The following TOP2B variants were observed in gnomAD, a reference collection of about 807,000 sequenced individuals.
TOP2B encodes DNA topoisomerase II beta.
A neutral mutation model predicts 193.5 loss-of-function variants in TOP2B; 51 were observed. The ratio of observed to expected loss-of-function variants is 0.26; its 90% CI spans 0.21 to 0.33. TOP2B has a LOEUF of 0.33. Among genes scored for constraint, TOP2B ranks in the 10% least tolerant of loss-of-function variants. TOP2B has a pLI of 1.00. For synonymous variants in TOP2B, 634 were observed against 635.7 expected, an observed-to-expected ratio of 1.00 and a Z score of 0.04; for missense variants, 1,378 against 1,909.3, an observed-to-expected ratio of 0.72 and a Z score of 5.19.
At position 25,642,476 on chromosome 3, in the gene TOP2B, A is replaced by G. The variant is rs1703291562; in HGVS notation, c.332-91T>C. 3 of 646,458 alleles carry G rather than the reference A, an allele frequency of 4.6e-6. No individual in the cohort carries two copies. The Admixed American group carries it at 9.4e-5, about 20-fold the overall frequency. The allele number at this position is 646,458 out of a possible 1,614,324, so 40.0% of individuals were successfully genotyped here. On this transcript the variant is annotated intron_variant, in intron 3 of 35. Coordinates refer to ENST00000264331, the MANE Select transcript of TOP2B (RefSeq NM_001330700.2). ...GTATGTGCATCACTGCTTAATATAAACATCTACATATGGTAATAGTTAATG... is the reference window on the plus strand; with the variant it reads ...GTATGTGCATCACTGCTTAATATAAGCATCTACATATGGTAATAGTTAATG...
rs185595882 is a variant in TOP2B, at chr3:25,660,496, C to A, written c.69+3733G>T. Among the ~76,000 whole-genome samples, 570 of 152,270 alleles carry A rather than the reference C, an allele frequency of 3.7e-3. 6 individuals are homozygous for A. Among genetic ancestry groups the A allele is most frequent in the Middle Eastern group, 3.4e-3 (1 of 294 alleles). ...AATAATAATGTGACAAGGCTCTGAG[C>A]TAGCCCTGAAGAACAGTTAAGATTT... On this transcript the variant is annotated intron_variant, in intron 1 of 35. Coordinates refer to ENST00000264331, the MANE Select transcript of TOP2B (RefSeq NM_001330700.2).
intron 30 of TOP2B, among the ~76,000 whole-genome samples, chr3:25,608,871 ACTT>A: frequency 6.6e-6 from 1 of 152,234 alleles, no homozygotes; most frequent in Non-Finnish European, 1.5e-5. Flanking sequence ...ACCACAAAGC[ACTT>A]CTAATATTAA....
Position 25,607,272 on chromosome 3 carries a change from T to C in TOP2B, c.4197A>G (p.Ala1399=), listed in dbSNP as rs771367959. The C allele has an allele frequency of 7.3e-5, 115 of 1,579,842 alleles. No homozygotes were observed. Among genetic ancestry groups the C allele is most frequent in the Non-Finnish European group, 9.1e-5 (106 of 1,160,890 alleles). The change falls in exon 31 of 36, where the codon GCA becomes GCG. Residue 1399 remains alanine, a synonymous_variant. Transcript: ENST00000264331. ...CTTCCCCATCATTTGTTATGGGAGATGCTTTAACTTTCAATTCCTCTAAAT... is the reference window on the plus strand; with the variant it reads ...CTTCCCCATCATTTGTTATGGGAGACGCTTTAACTTTCAATTCCTCTAAAT... ...NNDLEELKVK[A]SPITNDGEDE...
chr3:25,637,107 A>G (rs1703126086), intron 6 of TOP2B, 108 bp downstream of exon 6: 5 of 814,246 alleles, frequency 6.1e-6, no homozygotes, highest in Non-Finnish European at 9.8e-6. Flanking sequence ...TTTGGAAAAA[A>G]AAAATGAAGT....
At chr3:25,607,961 T>C (rs1702275746) in intron 30 of TOP2B, among the ~76,000 whole-genome samples, 1 of 152,096 alleles carries the variant, frequency 6.6e-6, no homozygotes, top group Admixed American at 6.6e-5. Flanking sequence ...TTTTAAAAAA[T>C]TGTTTTAGAC....
At chr3:25,624,931 A>AAAGT (rs760122602) in intron 18 of TOP2B, 128 bp from the exon 19 acceptor site, 4 of 873,312 alleles carry the variant, frequency 4.6e-6, no homozygotes, top group African/African-American at 1.7e-5. Flanking sequence ...ATTCTGTAAC[A>AAAGT]AAGTGAGTAC....
Position 25,609,311 on chromosome 3 carries a change from C to A in TOP2B, c.3965G>T (p.Gly1322Val), listed in dbSNP as rs777299582. The A allele has an allele frequency of 1.6e-5, 26 of 1,597,758 alleles. 1 individual carries two copies. The South Asian group carries it at 2.9e-4, about 18-fold the overall frequency. Residue 1322 changes from glycine to valine, a missense_variant, in exon 30 of 36, where the codon GGT becomes GTT. By Grantham distance (109) the Gly-to-Val change is moderately radical (BLOSUM62 -3). Around this residue, in one of 9 missense-constraint regions of TOP2B, gnomAD observed 556 missense variants for 584.2 expected, o/e 0.95. Coordinates refer to ENST00000264331, the MANE Select transcript of TOP2B (RefSeq NM_001330700.2). ...CTTCACTTTCTTTGCACTAGGTTTA[C>A]CAGATGATGTAGGTGTTTTTCTCAC... ...TRVRKTPTSSGKPSAKKVKKR... is the reference protein window; with the variant it reads ...TRVRKTPTSSVKPSAKKVKKR...
At chr3:25,649,120 C>G (rs1410312853) in intron 1 of TOP2B, among the ~76,000 whole-genome samples, 4 of 152,142 alleles carry the variant, frequency 2.6e-5, no homozygotes, top group Non-Finnish European at 5.9e-5. Flanking sequence ...AGGGATGTAA[C>G]AGTAGACTTG....
At chr3:25,644,509 T>C (rs1559506494) in intron 2 of TOP2B, among the ~76,000 whole-genome samples, 1 of 152,070 alleles carries the variant, frequency 6.6e-6, no homozygotes, top group Non-Finnish European at 1.5e-5. Context: ...AAGACCAGCC[T>C]GGCCAACATG....
At chr3:25,634,087 C>A in intron 7 of TOP2B, 73 bp from the exon 8 acceptor site, 1 of 1,120,762 alleles carries the variant, frequency 8.9e-7, no homozygotes, top group Non-Finnish European at 1.3e-6. Context: ...ACCTTCAGTA[C>A]GTATACTTTC....
rs756684983 is a variant in TOP2B at position 25,601,063 on chromosome 3, G to A, written c.4615+37C>T. 13 of 1,598,402 alleles carry A rather than the reference G, an allele frequency of 8.1e-6. No homozygotes were observed. The Admixed American group carries it at 1.2e-4, about 15-fold the overall frequency. On this transcript the variant is annotated intron_variant, in intron 34 of 35. Transcript: ENST00000264331. ...GAAAAAATTCAATCTTTTCCACACAGCATATGTTTAAAGGGTTATAAGAAG... is the reference window on the plus strand; with the variant it reads ...GAAAAAATTCAATCTTTTCCACACAACATATGTTTAAAGGGTTATAAGAAG...
At chr3:25,611,597 CCT>C (rs1258110919) in intron 28 of TOP2B, among the ~76,000 whole-genome samples, 4 of 152,108 alleles carry the variant, frequency 2.6e-5, no homozygotes, top group African/African-American at 9.7e-5. Flanking sequence ...CAACATGCAC[CCT>C]GTTTCCTCAG....
At chr3:25,651,013 G>A (rs1039405685) in intron 1 of TOP2B, among the ~76,000 whole-genome samples, 2 of 151,880 alleles carry the variant, frequency 1.3e-5, no homozygotes, top group Non-Finnish European at 2.9e-5. Context: ...GTTCAGACAC[G>A]TTATAACAAG....
At chr3:25,626,408 A>C (rs1047852852) in intron 18 of TOP2B, among the ~76,000 whole-genome samples, 152 bp downstream of exon 18, 1 of 152,176 alleles carries the variant, frequency 6.6e-6, no homozygotes, top group African/African-American at 2.4e-5. Context: ...ACAAAAGCAA[A>C]ATCAAAAAGG....
Position 25,637,228 on chromosome 3 carries a change from T to C in TOP2B, c.626A>G (p.His209Arg). ...TTTCTAGCATACCTGCTTAAAACTGTGTTTGTATTCTTTGCAAGCTGTTTC... is the reference window on the plus strand; with the variant it reads ...TTTCTAGCATACCTGCTTAAAACTGCGTTTGTATTCTTTGCAAGCTGTTTC... ...TVETACKEYK[H>R]SFKQTWMNNM... The change falls in exon 6 of 36, where the codon CAC (histidine) becomes CGC (arginine). Residue 209 changes from histidine (H) to arginine (R), a missense_variant. By Grantham distance (29) the His-to-Arg change is conservative. Around this residue, in one of 9 missense-constraint regions of TOP2B, gnomAD observed 222 missense variants for 306.6 expected, o/e 0.72. Transcript: ENST00000264331. 1 of 1,554,550 alleles carries C rather than the reference T, an allele frequency of 6.4e-7. No homozygotes were observed. Among genetic ancestry groups the C allele is most frequent in the Non-Finnish European group, 8.7e-7 (1 of 1,147,314 alleles).
intron 1 of TOP2B, among the ~76,000 whole-genome samples, chr3:25,650,126 AT>A (rs1182624504): frequency 3.9e-4 from 60 of 152,356 alleles, no homozygotes; most frequent in African/African-American, 1.3e-3. Flanking sequence ...ATTATTTATC[AT>A]CAAAACTCTC....
intron 13 of TOP2B, 52 bp downstream of exon 13, chr3:25,629,977 G>T: frequency 6.7e-7 from 1 of 1,502,480 alleles, no homozygotes; most frequent in African/African-American, 1.4e-5. Flanking sequence ...ATATTAAAGG[G>T]AGAATCTGAA....
At chr3:25,600,996 A>T in intron 34 of TOP2B, 104 bp downstream of exon 34, 1 of 1,294,678 alleles carries the variant, frequency 7.7e-7, no homozygotes, top group Non-Finnish European at 1.1e-6. Flanking sequence ...AAAGCAATTT[A>T]AAACAAAATA....
chr3:25,598,451 C>G lies in TOP2B; in HGVS notation c.4737G>C (p.Gln1579His). The change falls in exon 36 of 36, where the codon CAG becomes CAC. Residue 1579 changes from glutamine (Q) to histidine (H), a missense_variant. By Grantham distance (24) the Gln-to-His change is conservative. Coordinates refer to ENST00000264331, the MANE Select transcript of TOP2B (RefSeq NM_001330700.2). ...AGGGGAAGATGTCCACATCTGAATC[C>G]TGATCAAAAGATGTCTTCTTCGGTT... ...SKKPKKTSFD[Q>H]DSDVDIFPSD... The G allele has an allele frequency of 1.3e-6, 2 of 1,599,580 alleles. No individual in the cohort carries two copies. Among genetic ancestry groups the G allele is most frequent in the East Asian group, 2.2e-5 (1 of 44,706 alleles).
Sources: allele counts gnomAD v4.1 joint callset (sites outside exome capture counted in the v4.1 genomes callset), GRCh38; gene constraint gnomAD v4.1.1; regional missense constraint gnomAD v4.1.1; transcripts MANE v1.5; gene names NCBI Gene and HGNC (gene_info 2026-07-23, HGNC 2026-07-21).